The following TESK2 variants were observed in gnomAD, a reference collection of about 807,000 sequenced individuals.
TESK2 encodes testis associated actin remodelling kinase 2, also known as dual specificity testis-specific protein kinase 2.
TESK2 carries 39 observed loss-of-function variants against 57.1 expected under a neutral mutation model. The observed-to-expected ratio is 0.68, with a 90% CI of 0.53 to 0.89. TESK2 has a LOEUF of 0.89. Ranked by LOEUF, TESK2 falls within the 40% of genes least tolerant of loss-of-function variation. TESK2 has a pLI of 0.00. For synonymous variants in TESK2, 249 were observed against 267.9 expected, an observed-to-expected ratio of 0.93 and a Z score of 0.69; for missense variants, 646 against 732.1, an observed-to-expected ratio of 0.88 and a Z score of 1.36.
chr1:45,443,133 T>C (rs1017602033), intron 2 of TESK2, among the ~76,000 whole-genome samples: 5 of 152,130 alleles, frequency 3.3e-5, no homozygotes, highest in African/African-American at 4.8e-5. Flanking sequence ...AGATTTTCTG[T>C]AATCTCAGCA....
intron 3 of TESK2, among the ~76,000 whole-genome samples, chr1:45,404,817 A>G (rs1352938834): frequency 6.6e-6 from 1 of 152,144 alleles, no homozygotes; most frequent in Non-Finnish European, 1.5e-5. Context: ...TACTAGGATT[A>G]CAGGCCTGAG....
chr1:45,350,172 C>T (rs1216591929), intron 5 of TESK2, among the ~76,000 whole-genome samples: 2 of 152,008 alleles, frequency 1.3e-5, no homozygotes, highest in Middle Eastern at 3.2e-3. Context: ...GTGTGTCAAA[C>T]GTATACAATA....
chr1:45,487,076 G>T (rs181639919), intron 1 of TESK2, among the ~76,000 whole-genome samples: 1 of 151,722 alleles, frequency 6.6e-6, no homozygotes, highest in African/African-American at 2.4e-5. Flanking sequence ...TGATCCACCC[G>T]CCTTGGCCTC....
intron 5 of TESK2, 47 bp from the exon 6 acceptor site, chr1:45,348,047 G>A (rs766816220): frequency 7.6e-7 from 1 of 1,317,520 alleles, no homozygotes; most frequent in Non-Finnish European, 1.1e-6. Flanking sequence ...TCAGAAGCGG[G>A]GATCAGCCAT....
At chr1:45,399,076 A>G (rs1570690062) in intron 3 of TESK2, 1 of 369,076 alleles carries the variant, frequency 2.7e-6, no homozygotes, top group Non-Finnish European at 5.2e-6. Context: ...CTCTCCATAC[A>G]CTTAAAACAT....
At chr1:45,481,848 T>C (rs562611353) in intron 1 of TESK2, among the ~76,000 whole-genome samples, 2 of 152,338 alleles carry the variant, frequency 1.3e-5, no homozygotes, top group Admixed American at 6.5e-5. Context: ...TAAAAACTTA[T>C]GCACACAAAT....
intron 1 of TESK2, among the ~76,000 whole-genome samples, chr1:45,479,773 T>C (rs114904388): frequency 6.7e-6 from 1 of 150,302 alleles, no homozygotes; most frequent in Non-Finnish European, 1.5e-5. Context: ...TCCCATCGGA[T>C]AGATTAAAAA....
intron 2 of TESK2, among the ~76,000 whole-genome samples, chr1:45,455,173 C>A (rs1336409145): frequency 6.6e-6 from 1 of 152,148 alleles, no homozygotes; most frequent in Non-Finnish European, 1.5e-5. Flanking sequence ...ACATTAGGGT[C>A]ATAAAACTTT....
At chr1:45,447,018 G>C (rs1651673444) in intron 2 of TESK2, among the ~76,000 whole-genome samples, 1 of 152,080 alleles carries the variant, frequency 6.6e-6, no homozygotes, top group South Asian at 2.1e-4. Context: ...AGGAGTTAGA[G>C]ACCAGCCTGG....
rs181004244 is a variant in TESK2, at chr1:45,396,246, C to T, written c.345-10286G>A. Among the ~76,000 whole-genome samples, 233 of 151,922 alleles carry T rather than the reference C, an allele frequency of 1.5e-3. 1 individual carries two copies. The highest frequency in any genetic ancestry group is 2.6e-3 in the Non-Finnish European group (178 of 67,942). ...GTAGCTAAGATTACAGGCATGTGCC[C>T]CCATACCTGGCTAATTTTTTTGTAT... On this transcript the variant is annotated intron_variant, in intron 3 of 10. Transcript: ENST00000372086.
intron 3 of TESK2, among the ~76,000 whole-genome samples, chr1:45,409,626 A>G (rs1570700237): frequency 1.3e-5 from 2 of 152,210 alleles, no homozygotes; most frequent in African/African-American, 4.8e-5. Context: ...CAAGAGATCA[A>G]TTAGGATGGT....
At chr1:45,417,963 A>G (rs1421013223) in intron 3 of TESK2, among the ~76,000 whole-genome samples, 1 of 152,198 alleles carries the variant, frequency 6.6e-6, no homozygotes, top group East Asian at 1.9e-4. Flanking sequence ...GTATATCTAA[A>G]GATTTTGCTG....
chr1:45,343,936 AC>A lies in TESK2; in HGVS notation c.*903del. 4.5e-6 allele frequency: 2 copies of A among 444,018 alleles called. No homozygotes were observed. The highest frequency in any genetic ancestry group is 8.0e-6 in the Non-Finnish European group (2 of 250,902). The allele number at this position is 444,018 out of a possible 1,614,324, so 27.5% of individuals were successfully genotyped here. ...TCTGAAAATGTCTTGGGAAAGTTTT[AC>A]AAAAAAAAAAATCAACAGAAGCAAG... On this transcript the variant is annotated 3_prime_UTR_variant, in exon 11 of 11. Transcript: ENST00000372086. This position sits in a 1 kb window ranked among gnomAD's most constrained non-coding sequence, Gnocchi z 4.3.
chr1:45,372,775 A>G (rs1648247985), intron 4 of TESK2, among the ~76,000 whole-genome samples: 1 of 151,940 alleles, frequency 6.6e-6, no homozygotes, highest in Non-Finnish European at 1.5e-5. Flanking sequence ...ACGGTGGTTC[A>G]TGCCTGTAAT....
At chr1:45,440,643 G>C (rs1007137811) in intron 2 of TESK2, among the ~76,000 whole-genome samples, 1 of 151,792 alleles carries the variant, frequency 6.6e-6, no homozygotes, top group African/African-American at 2.4e-5. Flanking sequence ...TTAAACCGGG[G>C]AGGCAGAGGC....
chr1:45,379,064 T>G (rs1228855013), intron 4 of TESK2, among the ~76,000 whole-genome samples: 3 of 152,112 alleles, frequency 2.0e-5, no homozygotes, highest in African/African-American at 7.2e-5. Context: ...GATAGGAAAA[T>G]ATTCTGTACT....
intron 1 of TESK2, among the ~76,000 whole-genome samples, chr1:45,475,104 C>A (rs2149305679): frequency 6.7e-6 from 1 of 148,882 alleles, no homozygotes; most frequent in Non-Finnish European, 1.5e-5. Context: ...AAAGGCAACT[C>A]ACCTTTTCTT....
chr1:45,443,054 T>A (rs1281291003), intron 2 of TESK2, among the ~76,000 whole-genome samples: 1 of 152,176 alleles, frequency 6.6e-6, no homozygotes, highest in African/African-American at 2.4e-5. Context: ...GTTCTGGGAT[T>A]ACAGGAGTAA....
At chr1:45,404,492 A>T (rs1159254895) in intron 3 of TESK2, among the ~76,000 whole-genome samples, 1 of 152,140 alleles carries the variant, frequency 6.6e-6, no homozygotes, top group Non-Finnish European at 1.5e-5. Flanking sequence ...TACAGAGCTT[A>T]TCTCATTTAA....
Sources: allele counts gnomAD v4.1 joint callset (sites outside exome capture counted in the v4.1 genomes callset), GRCh38; gene constraint gnomAD v4.1.1; non-coding constraint Gnocchi (gnomAD v3.1); transcripts MANE v1.5; gene names NCBI Gene and HGNC (gene_info 2026-07-23, HGNC 2026-07-21).